PPP2R2B: variants seen among roughly 807,000 people sequenced by gnomAD.
PPP2R2B encodes the protein protein phosphatase 2 regulatory subunit Bbeta.
Under a neutral mutation model 46.0 loss-of-function variants are expected in PPP2R2B, and 5 were observed. The ratio of observed to expected loss-of-function variants is 0.11; its 90% CI spans 0.06 to 0.23. The LOEUF is 0.23. Among genes scored for constraint, PPP2R2B ranks in the 10% least tolerant of loss-of-function variants. PPP2R2B has a pLI of 1.00. For missense variants in PPP2R2B, 367 were observed against 575.0 expected, an observed-to-expected ratio of 0.64 and a Z score of 3.70; for synonymous variants, 215 against 206.7, an observed-to-expected ratio of 1.04 and a Z score of -0.34.
chr5:146,812,395 T>C (rs1757604964), intron 2 of PPP2R2B, among the ~76,000 whole-genome samples: 1 of 144,310 alleles, frequency 6.9e-6, no homozygotes, highest in Non-Finnish European at 1.5e-5. Context: ...GGGCAAGTTG[T>C]CTTCTCTGAA....
intron 2 of PPP2R2B, among the ~76,000 whole-genome samples, chr5:146,861,095 G>A (rs181695206): frequency 6.6e-5 from 9 of 135,410 alleles, no homozygotes; most frequent in Admixed American, 5.9e-4. Context: ...CTCCTCTGTC[G>A]CTCGGGCTGG....
intron 1 of PPP2R2B, among the ~76,000 whole-genome samples, chr5:147,045,806 G>T (rs1355026260): frequency 6.6e-6 from 1 of 152,016 alleles, no homozygotes; most frequent in Non-Finnish European, 1.5e-5. Context: ...CAGCTACATT[G>T]GCTTTCCCTC....
rs146169602 is a variant in PPP2R2B, at chr5:146,608,402, A to T, written c.791-7942T>A. On this transcript the variant is annotated intron_variant, in intron 7 of 9. Transcript: ENST00000394411. Reference sequence around the variant, plus strand: ...ATCTCCAGGTTGGATTGTCTTTGTCAGTTTTCCTTATCTTGTTAAGACGCA... The same window carrying T: ...ATCTCCAGGTTGGATTGTCTTTGTCTGTTTTCCTTATCTTGTTAAGACGCA... 3.3e-3 allele frequency among the ~76,000 whole-genome samples: 496 copies of T among 152,336 alleles called. 4 individuals carry two copies. The highest frequency in any genetic ancestry group is 0.011 in the African/African-American group (476 of 41,576).
At chr5:146,781,573 T>A (rs1354388920) in intron 2 of PPP2R2B, among the ~76,000 whole-genome samples, 2 of 151,470 alleles carry the variant, frequency 1.3e-5, no homozygotes, top group African/African-American at 4.9e-5. Context: ...AGGCAAGGCA[T>A]TTTTCATGAA....
rs58520511 is a variant in PPP2R2B, at chr5:146,738,395, CAAAAAA to C, written c.71-37259_71-37254del. ...TGGGCGACAAAGTGAGACTCAGTCT[CAAAAAA>C]AAAAAAAAAAAAAAAATCTTAGCTT... is the stretch of plus-strand genomic sequence containing the variant. On this transcript the variant is annotated intron_variant, in intron 2 of 9. Transcript: ENST00000394411. Among the ~76,000 whole-genome samples the C allele has an allele frequency of 5.0e-4, 43 of 85,836 alleles. No individual in the cohort carries two copies. In the East Asian group the frequency reaches 9.2e-3, roughly 18 times the overall value. The allele number at this position is 85,836 out of a possible 152,430, so 56.3% of individuals were successfully genotyped here. A position where few individuals can be genotyped will look rare whatever the true frequency, so the allele number is the denominator to read the frequency against.
chr5:146,991,267 C>T (rs1305634294), intron 1 of PPP2R2B, among the ~76,000 whole-genome samples: 1 of 152,126 alleles, frequency 6.6e-6, no homozygotes, highest in East Asian at 1.9e-4. Context: ...GAGACATCTG[C>T]ACTTCCATGT....
intron 1 of PPP2R2B, among the ~76,000 whole-genome samples, chr5:146,964,675 G>A (rs1366902124): frequency 6.6e-6 from 1 of 151,960 alleles, no homozygotes; most frequent in Non-Finnish European, 1.5e-5. Context: ...ACAGGCTCCC[G>A]CCACCACGCC....
At chr5:147,072,378 T>C (rs548441644) in intron 2 of PPP2R2B, among the ~76,000 whole-genome samples, 52 of 152,332 alleles carry the variant, frequency 3.4e-4, no homozygotes, top group African/African-American at 1.2e-3. Context: ...AGTGGTAGTA[T>C]TGATGTTTTT....
intron 2 of PPP2R2B, among the ~76,000 whole-genome samples, chr5:146,788,852 C>T (rs1243393516): frequency 2.6e-5 from 4 of 152,206 alleles, no homozygotes; most frequent in African/African-American, 9.7e-5. Flanking sequence ...TTGACTCACA[C>T]AGACCTCTAA....
chr5:146,768,304 A>G (rs1754617862), intron 2 of PPP2R2B, among the ~76,000 whole-genome samples: 1 of 151,974 alleles, frequency 6.6e-6, no homozygotes, highest in African/African-American at 2.4e-5. Context: ...GAACTCCTGA[A>G]CTCAAACAAT....
At chr5:147,047,557 C>T (rs1442469476) in intron 1 of PPP2R2B, among the ~76,000 whole-genome samples, 1 of 152,040 alleles carries the variant, frequency 6.6e-6, no homozygotes, top group Non-Finnish European at 1.5e-5. Flanking sequence ...TTAATTTGCA[C>T]TGGGTAATAC....
chr5:146,812,507 A>G (rs1286253562), intron 2 of PPP2R2B, among the ~76,000 whole-genome samples: 1 of 23,376 alleles, frequency 4.3e-5, no homozygotes, highest in African/African-American at 1.1e-4. Context: ...GTATATATAT[A>G]CAGTATATAT....
upstream of PPP2R2B, chr5:147,056,248 G>T: frequency 3.0e-6 from 1 of 333,298 alleles, no homozygotes; most frequent in Non-Finnish European, 4.3e-6. Context: ...GGAGCCACCC[G>T]TAATGCCATG....
chr5:146,928,074 A>G (rs1425822510), intron 1 of PPP2R2B, among the ~76,000 whole-genome samples: 1 of 152,142 alleles, frequency 6.6e-6, no homozygotes, highest in African/African-American at 2.4e-5. Flanking sequence ...TGTATAATTC[A>G]TCGCACTATC....
At position 146,898,877 on chromosome 5, in the gene PPP2R2B, C is replaced by T. The variant is rs1224109803; in HGVS notation, c.79+156788G>A. Among the ~76,000 whole-genome samples the T allele has an allele frequency of 3.3e-3, 464 of 141,192 alleles. 7 individuals are homozygous for T. Among genetic ancestry groups the T allele is most frequent in the African/African-American group, 0.012 (432 of 35,344 alleles). The allele number at this position is 141,192 out of a possible 152,430, so 92.6% of individuals were successfully genotyped here. ...CAGCCAAAAAACACATGAAGAAATGCTCACCATCACTGGCCATCAGAGAAA... is the reference window on the plus strand; with the variant it reads ...CAGCCAAAAAACACATGAAGAAATGTTCACCATCACTGGCCATCAGAGAAA... On this transcript the variant is annotated intron_variant, in intron 1 of 8. Coordinates refer to the PPP2R2B transcript ENST00000336640.
intron 2 of PPP2R2B, among the ~76,000 whole-genome samples, chr5:147,073,661 T>A (rs1319430820): frequency 2.6e-5 from 4 of 152,236 alleles, no homozygotes; most frequent in Non-Finnish European, 4.4e-5. Flanking sequence ...AGATTTTCTA[T>A]CTTCTCTGCT....
intron 2 of PPP2R2B, among the ~76,000 whole-genome samples, chr5:146,746,181 C>T (rs753866976): frequency 3.9e-5 from 6 of 152,118 alleles, no homozygotes; most frequent in South Asian, 2.1e-4. Context: ...ACCCAGAGAA[C>T]GGCTTTCCAC....
intron 1 of PPP2R2B, among the ~76,000 whole-genome samples, chr5:146,992,237 C>G (rs1309584093): frequency 6.6e-6 from 1 of 152,144 alleles, no homozygotes; most frequent in Non-Finnish European, 1.5e-5. Flanking sequence ...TGATTTTTCA[C>G]AAAGGTGCCA....
chr5:146,857,737 G>C (rs551954983), intron 2 of PPP2R2B, among the ~76,000 whole-genome samples: 1 of 151,576 alleles, frequency 6.6e-6, no homozygotes, highest in African/African-American at 2.4e-5. Flanking sequence ...GCCCAGGCTG[G>C]AGTGCAATGG....
Sources: gnomAD v4.1 joint callset for allele counts (sites outside exome capture counted in the v4.1 genomes callset) on GRCh38, gnomAD v4.1.1 for gene constraint, MANE v1.5 for transcripts, NCBI Gene and HGNC (gene_info 2026-07-23, HGNC 2026-07-21) for gene names.